DTNA: variants seen among roughly 807,000 people sequenced by gnomAD.
The protein encoded by DTNA is dystrophin-related protein 3.
DTNA carries 43 observed loss-of-function variants against 100.7 expected under a neutral mutation model. The observed-to-expected ratio is 0.43, with a 90% CI of 0.33 to 0.55. The LOEUF (loss-of-function observed/expected upper bound fraction) is 0.55. Among genes scored for constraint, DTNA ranks in the 20% least tolerant of loss-of-function variants. The pLI, the probability that DTNA is intolerant of heterozygous loss-of-function variation, is 0.04. For missense variants in DTNA, 798 were observed against 953.9 expected, an observed-to-expected ratio of 0.84 and a Z score of 2.15; for synonymous variants, 349 against 347.9, an observed-to-expected ratio of 1.00 and a Z score of -0.04.
chr18:34,597,804 C>T (rs2050950103), intron 1 of DTNA, among the ~76,000 whole-genome samples: 1 of 141,344 alleles, frequency 7.1e-6, no homozygotes, highest in South Asian at 2.5e-4. Context: ...TTGCTTCTCT[C>T]CTTTGTGGGA....
intron 4 of DTNA, among the ~76,000 whole-genome samples, chr18:34,798,446 C>A (rs1414796462): frequency 6.6e-6 from 1 of 152,090 alleles, no homozygotes; most frequent in Non-Finnish European, 1.5e-5. Context: ...TCATGGTTAC[C>A]AATGTTGGTG....
intron 1 of DTNA, among the ~76,000 whole-genome samples, chr18:34,673,039 A>T (rs1401857221): frequency 3.3e-5 from 5 of 152,128 alleles, no homozygotes; most frequent in African/African-American, 1.2e-4. Context: ...TTTTTAATAA[A>T]ACTTGATTTT....
In DTNA at chr18:34,554,726, C is replaced by A. The variant is rs1403054247; in HGVS notation, c.-2+61212C>A. 1.8e-3 allele frequency among the ~76,000 whole-genome samples: 248 copies of A among 139,910 alleles called. 1 individual carries two copies. The highest frequency in any genetic ancestry group is 6.6e-3 in the African/African-American group (235 of 35,744). 91.8% of individuals were successfully genotyped at this position (139,910 alleles called of 152,430 possible). A position where few individuals can be genotyped will look rare whatever the true frequency, so the allele number is the denominator to read the frequency against. The stretch of plus-strand genomic sequence containing the variant: ...AGCCTTGCATCCCAGGGATGAAGCC[C>A]ACTTGATCATGGTGGATAAGCTTTT... On this transcript the variant is annotated intron_variant, in intron 1 of 19. Transcript: ENST00000283365.
intron 3 of DTNA, among the ~76,000 whole-genome samples, chr18:34,785,808 G>GT (rs1235482904): frequency 1.2e-5 from 1 of 86,234 alleles, no homozygotes; most frequent in Non-Finnish European, 2.3e-5. Context: ...CGACACACAT[G>GT]TAAGTTCTGT....
intron 1 of DTNA, among the ~76,000 whole-genome samples, chr18:34,516,911 A>G (rs1337294478): frequency 6.6e-6 from 1 of 152,162 alleles, no homozygotes; most frequent in African/African-American, 2.4e-5. Flanking sequence ...GGATTAAGAG[A>G]TTAAAGTAAA....
At chr18:34,688,157 G>A (rs975604221) in intron 1 of DTNA, among the ~76,000 whole-genome samples, 1 of 152,120 alleles carries the variant, frequency 6.6e-6, no homozygotes, top group Non-Finnish European at 1.5e-5. Flanking sequence ...GGTTAATATT[G>A]TTATGTGTGA....
intron 1 of DTNA, among the ~76,000 whole-genome samples, chr18:34,557,763 C>T (rs574026127): frequency 0.02 from 2,922 of 143,386 alleles, 155 homozygotes; most frequent in Non-Finnish European, 0.032. Context: ...GAACCACTGC[C>T]CTCTTCAAAG....
rs184364543 is a variant in DTNA, at chr18:34,684,311, G to A, written c.-1-71665G>A. Among the ~76,000 whole-genome samples, 461 of 151,978 alleles carry A rather than the reference G, an allele frequency of 3.0e-3. 2 individuals carry two copies. The highest frequency in any genetic ancestry group is 0.01 in the African/African-American group (423 of 41,442). ...TATCCCTCCCCTTGCCCCCCATCCCGCAACAAGCCCTGGTGTGTGATGTTC... is the reference window on the plus strand; with the variant it reads ...TATCCCTCCCCTTGCCCCCCATCCCACAACAAGCCCTGGTGTGTGATGTTC... On this transcript the variant is annotated intron_variant, in intron 1 of 19. Coordinates refer to the DTNA transcript ENST00000283365.
At chr18:34,764,081 T>C (rs563745962) in intron 2 of DTNA, among the ~76,000 whole-genome samples, 1 of 152,078 alleles carries the variant, frequency 6.6e-6, no homozygotes, top group East Asian at 1.9e-4. Context: ...ATCAAATAGG[T>C]TGAAGTTACA....
chr18:34,870,645 A>G (rs2150259971), intron 17 of DTNA, among the ~76,000 whole-genome samples: 1 of 152,256 alleles, frequency 6.6e-6, no homozygotes, highest in South Asian at 2.1e-4. Flanking sequence ...TCTACCCTGG[A>G]GGTCCCGAGA....
intron 1 of DTNA, among the ~76,000 whole-genome samples, chr18:34,730,472 C>T (rs1362411867): frequency 2.6e-5 from 4 of 152,114 alleles, no homozygotes; most frequent in Non-Finnish European, 5.9e-5. Context: ...AGAAGTGTTG[C>T]ATTGTGGCCC....
intron 6 of DTNA, 168 bp from the exon 7 acceptor site, chr18:34,815,741 T>G: frequency 1.6e-6 from 1 of 637,764 alleles, no homozygotes; most frequent in African/African-American, 1.8e-5. Context: ...CAAACGATGT[T>G]TTCAGTTCTA....
intron 1 of DTNA, among the ~76,000 whole-genome samples, chr18:34,548,393 T>C (rs1291587480): frequency 2.0e-5 from 3 of 152,128 alleles, no homozygotes; most frequent in Non-Finnish European, 1.5e-5. Flanking sequence ...TTGACAGCTC[T>C]ATCTCTTTTA....
At chr18:34,831,178 A>T (rs17557660) in intron 11 of DTNA, among the ~76,000 whole-genome samples, 9,701 of 152,246 alleles carry the variant, frequency 0.064, 422 homozygotes, top group Middle Eastern at 0.11. Context: ...TTCTTTCACT[A>T]TGGTCAAGCT....
chr18:34,866,591 A>C, intron 17 of DTNA: 1 of 1,012,472 alleles, frequency 9.9e-7, no homozygotes, highest in Non-Finnish European at 1.2e-6. Context: ...GTTTCATTTT[A>C]CTGAAAACCT....
At chr18:34,813,443 CAA>C (rs60685560) in intron 6 of DTNA, among the ~76,000 whole-genome samples, 25 of 115,630 alleles carry the variant, frequency 2.2e-4, no homozygotes, top group Admixed American at 2.8e-4. Flanking sequence ...GGCCCTGTCT[CAA>C]AAAAAAAAAA....
At chr18:34,824,425 G>A (rs1327959538) in intron 9 of DTNA, among the ~76,000 whole-genome samples, 6 of 151,572 alleles carry the variant, frequency 4.0e-5, no homozygotes, top group Admixed American at 6.6e-5. Context: ...GCAGTGAGCC[G>A]AGATCGCGCC....
intron 1 of DTNA, among the ~76,000 whole-genome samples, chr18:34,641,372 C>G (rs943590645): frequency 2.0e-5 from 3 of 152,186 alleles, no homozygotes; most frequent in Non-Finnish European, 2.9e-5. Flanking sequence ...TGGGAACTGG[C>G]CACTGATCAC....
At chr18:34,804,378 AT>A (rs1390018132) in intron 4 of DTNA, among the ~76,000 whole-genome samples, 2 of 152,170 alleles carry the variant, frequency 1.3e-5, no homozygotes, top group African/African-American at 4.8e-5. Context: ...ATATGGTCAA[AT>A]TTGTGATATG....
Sources: gnomAD v4.1 joint callset for allele counts (sites outside exome capture counted in the v4.1 genomes callset) on GRCh38, gnomAD v4.1.1 for gene constraint, MANE v1.5 for transcripts, NCBI Gene and HGNC (gene_info 2026-07-23, HGNC 2026-07-21) for gene names.